COL14A1: variants seen among roughly 807,000 people sequenced by gnomAD.
COL14A1 encodes the protein collagen alpha-1(XIV) chain.
In COL14A1, 136 loss-of-function variants were observed where a neutral mutation model predicts 230.3. The observed-to-expected ratio is 0.59, with a 90% CI of 0.51 to 0.68. The LOEUF is 0.68. COL14A1 is among the 30% of genes least tolerant of loss of function. The pLI is 0.00. For synonymous variants in COL14A1, 792 were observed against 784.1 expected, an observed-to-expected ratio of 1.01 and a Z score of -0.17; for missense variants, 1,976 against 2,215.8, an observed-to-expected ratio of 0.89 and a Z score of 2.17.
At chr8:120,320,926 A>T (rs939545511) in intron 40 of COL14A1, among the ~76,000 whole-genome samples, 1 of 152,210 alleles carries the variant, frequency 6.6e-6, no homozygotes, top group Non-Finnish European at 1.5e-5. Flanking sequence ...AGTCATTGTT[A>T]TCCCCATTTT....
At position 120,216,422 on chromosome 8, in the gene COL14A1, C is replaced by T. The variant is rs1293971702; in HGVS notation, c.1669C>T (p.Pro557Ser). 2 of 1,613,364 alleles carry T rather than the reference C, an allele frequency of 1.2e-6. No homozygotes were observed. Among genetic ancestry groups the T allele is most frequent in the Non-Finnish European group, 1.7e-6 (2 of 1,179,788 alleles). Residue 557 changes from proline to serine, a missense_variant, in exon 14 of 48, where the codon CCA becomes TCA. Physicochemically the swap from Pro to Ser is moderately conservative, Grantham distance 74. Around this residue, in one of 3 missense-constraint regions of COL14A1, gnomAD observed 1,791 missense variants for 2,019.5 expected, o/e 0.89. Coordinates refer to ENST00000297848, the MANE Select transcript of COL14A1 (RefSeq NM_021110.4). Reference protein sequence around the residue: ...GSNSARLTWDPTSRQINGYRI... With the variant: ...GSNSARLTWDSTSRQINGYRI... The stretch of plus-strand genomic sequence containing the variant: ...TAACAGTGCTCGATTAACCTGGGAC[C>T]CAACTTCAAGACAGATCAATGGTTA...
chr8:120,289,459 G>A, intron 33 of COL14A1, 149 bp from the exon 34 acceptor site: 1 of 650,618 alleles, frequency 1.5e-6, no homozygotes, highest in Non-Finnish European at 2.5e-6. Context: ...GATGATAAAA[G>A]TAGAAATTTT....
intron 35 of COL14A1, among the ~76,000 whole-genome samples, chr8:120,299,962 T>C (rs577433035): frequency 2.0e-4 from 31 of 152,272 alleles, no homozygotes; most frequent in Non-Finnish European, 4.3e-4. Context: ...TGAAGTTCTA[T>C]AGTATTTTAT....
chr8:120,131,945 C>A (rs1012690175), intron 1 of COL14A1, among the ~76,000 whole-genome samples: 3 of 140,020 alleles, frequency 2.1e-5, no homozygotes, highest in African/African-American at 8.0e-5. Flanking sequence ...CTCCTGGGTT[C>A]AGGCGATTCT....
At chr8:120,280,794 C>G in intron 30 of COL14A1, 45 bp downstream of exon 30, 1 of 1,583,942 alleles carries the variant, frequency 6.3e-7, no homozygotes, top group Non-Finnish European at 8.6e-7. Flanking sequence ...ATATTACAGG[C>G]CTCTCAATTG....
intron 22 of COL14A1, 105 bp downstream of exon 22, chr8:120,250,871 G>C (rs969724290): frequency 1.5e-6 from 2 of 1,318,692 alleles, no homozygotes; most frequent in East Asian, 2.5e-5. Flanking sequence ...GCGCTGGTGC[G>C]ATCTGGACTC....
chr8:120,249,652 C>A (rs968453641), intron 21 of COL14A1, among the ~76,000 whole-genome samples: 2 of 152,168 alleles, frequency 1.3e-5, no homozygotes, highest in African/African-American at 4.8e-5. Flanking sequence ...AGAGGACTTG[C>A]TCCTGGAATC....
At chr8:120,362,772 G>GTC (rs774649815) in intron 45 of COL14A1, among the ~76,000 whole-genome samples, 1 of 152,140 alleles carries the variant, frequency 6.6e-6, no homozygotes, top group Non-Finnish European at 1.5e-5. Flanking sequence ...CTAAAAGATA[G>GTC]TCATTAGAAA....
At chr8:120,359,604 T>G (rs567474765) in intron 45 of COL14A1, among the ~76,000 whole-genome samples, 1 of 152,360 alleles carries the variant, frequency 6.6e-6, no homozygotes, top group East Asian at 1.9e-4. Context: ...ATTTTCTTAA[T>G]AGCCAATAGT....
intron 2 of COL14A1, among the ~76,000 whole-genome samples, chr8:120,157,244 C>T (rs183596700): frequency 1.3e-5 from 2 of 152,272 alleles, no homozygotes; most frequent in East Asian, 3.9e-4. Flanking sequence ...ATCAGCTATC[C>T]TTGAAAACTG....
rs564561112 is a variant in COL14A1, at chr8:120,203,747, G to A, written c.916G>A (p.Ala306Thr). Residue 306 changes from alanine to threonine, a missense_variant, in exon 9 of 48, where the codon GCC becomes ACC. This residue lies in a region of COL14A1 where 1,791 missense variants were observed against 2,019.5 expected (regional missense o/e 0.89). Transcript: ENST00000297848. ...NADVNELQEI[A>T]SEPDSTHVYN... ...GGATGTGAATGAGCTGCAGGAGATC[G>A]CCTCTGAACCAGACAGCACTCATGT... 5.0e-6 allele frequency: 8 copies of A among 1,613,776 alleles called. No individual in the cohort carries two copies. The highest frequency in any genetic ancestry group is 2.2e-5 in the South Asian group (2 of 91,026).
At chr8:120,316,922 G>T (rs1034561902) in intron 40 of COL14A1, among the ~76,000 whole-genome samples, 2 of 152,206 alleles carry the variant, frequency 1.3e-5, no homozygotes, top group Admixed American at 1.3e-4. Flanking sequence ...TGGGGAGATT[G>T]TTAAGAGAAG....
chr8:120,196,170 A>G (rs1197134712), intron 5 of COL14A1, among the ~76,000 whole-genome samples: 2 of 152,166 alleles, frequency 1.3e-5, no homozygotes, highest in Non-Finnish European at 1.5e-5. Context: ...TAGGAGCAAA[A>G]TTTACTGTCA....
intron 5 of COL14A1, 86 bp downstream of exon 5, chr8:120,168,333 C>T: frequency 6.3e-6 from 6 of 945,208 alleles, no homozygotes; most frequent in Admixed American, 2.1e-5. Flanking sequence ...TTGCTGGTCC[C>T]ATCTAAGAAG....
intron 36 of COL14A1, among the ~76,000 whole-genome samples, chr8:120,304,586 C>G (rs1453964761): frequency 1.3e-5 from 2 of 152,078 alleles, no homozygotes; most frequent in Non-Finnish European, 2.9e-5. Flanking sequence ...GTGAATGAAA[C>G]CATTTAACTT....
intron 23 of COL14A1, 57 bp downstream of exon 23, chr8:120,255,413 C>T: frequency 4.8e-6 from 6 of 1,253,854 alleles, no homozygotes; most frequent in East Asian, 2.3e-5. Flanking sequence ...TGATTCTTTG[C>T]ACACCACTGT....
intron 12 of COL14A1, among the ~76,000 whole-genome samples, chr8:120,211,583 T>C (rs1002666454): frequency 6.6e-6 from 1 of 152,198 alleles, no homozygotes; most frequent in Non-Finnish European, 1.5e-5. Context: ...ATTAGTTTTT[T>C]AAAAAATAAA....
intron 45 of COL14A1, among the ~76,000 whole-genome samples, chr8:120,346,883 A>G (rs1489739744): frequency 1.3e-5 from 2 of 152,298 alleles, no homozygotes; most frequent in Middle Eastern, 3.4e-3. Flanking sequence ...TACTTACTAG[A>G]TAGTTGTTGC....
At chr8:120,199,617 A>G (rs777359517) in intron 8 of COL14A1, 51 bp downstream of exon 8, 2 of 1,537,214 alleles carry the variant, frequency 1.3e-6, no homozygotes, top group Non-Finnish European at 1.8e-6. Context: ...ACCCACAACC[A>G]CTTAAAACAA....
Sources: gnomAD v4.1 joint callset for allele counts (sites outside exome capture counted in the v4.1 genomes callset) on GRCh38, gnomAD v4.1.1 for gene constraint, gnomAD v4.1.1 regional missense constraint, MANE v1.5 for transcripts, NCBI Gene and HGNC (gene_info 2026-07-23, HGNC 2026-07-21) for gene names.